The following IL1RAPL1 variants were observed in gnomAD, a reference collection of about 807,000 sequenced individuals.
IL1RAPL1 encodes interleukin 1 receptor accessory protein like 1, also known as interleukin-1 receptor accessory protein-like 1.
Under a neutral mutation model 48.4 loss-of-function variants are expected in IL1RAPL1, and 3 were observed. The ratio of observed to expected loss-of-function variants is 0.06; its 90% CI spans 0.03 to 0.16. IL1RAPL1 has a LOEUF of 0.16. Ranked by LOEUF, IL1RAPL1 falls within the 10% of genes least tolerant of loss-of-function variation. The pLI, the probability that IL1RAPL1 is intolerant of heterozygous loss-of-function variation, is 1.00. For synonymous variants in IL1RAPL1, 185 were observed against 187.7 expected (o/e 0.99, Z 0.12); for missense variants, 349 against 530.6 (o/e 0.66, Z 3.36).
chrX:29,498,468 C>A (rs865899948), intron 5 of IL1RAPL1, among the ~76,000 whole-genome samples: 1 of 110,771 alleles, frequency 9.0e-6, no homozygotes, highest in African/African-American at 3.3e-5. Flanking sequence ...TGATTTTTTT[C>A]TTTATTTGAT....
Position 29,778,414 on chromosome X carries a change from A to G in IL1RAPL1, c.778+109910A>G, listed in dbSNP as rs368367684. Among the ~76,000 whole-genome samples the G allele has an allele frequency of 3.6e-3, 404 of 111,844 alleles. 2 individuals are homozygous for G. Among genetic ancestry groups the G allele is most frequent in the African/African-American group, 0.012 (383 of 30,820 alleles). Reference sequence around the variant, plus strand: ...ATTTCTACCTGGATGAGGGGTTTATAAGGGCAACATTACTAATTTTGAGTC... The same window carrying G: ...ATTTCTACCTGGATGAGGGGTTTATGAGGGCAACATTACTAATTTTGAGTC... On this transcript the variant is annotated intron_variant, in intron 6 of 10. Coordinates refer to ENST00000378993, the MANE Select transcript of IL1RAPL1 (RefSeq NM_014271.4).
intron 6 of IL1RAPL1, among the ~76,000 whole-genome samples, chrX:29,793,689 C>T (rs1177228616): frequency 8.9e-6 from 1 of 111,901 alleles, no homozygotes; most frequent in East Asian, 2.8e-4. Flanking sequence ...TTCTAACTCT[C>T]AGGAGGCACT....
chrX:29,571,090 C>T (rs1234827107), intron 5 of IL1RAPL1, among the ~76,000 whole-genome samples: 1 of 110,675 alleles, frequency 9.0e-6, no homozygotes, highest in African/African-American at 3.3e-5. Context: ...GACGTGGTGG[C>T]GGGCGCCTAT....
At chrX:29,943,341 C>T (rs1395279860) in intron 9 of IL1RAPL1, among the ~76,000 whole-genome samples, 1 of 111,668 alleles carries the variant, frequency 9.0e-6, no homozygotes, top group Non-Finnish European at 1.9e-5. Context: ...TTCTTAGAGT[C>T]ATTCTTGCTA....
chrX:29,539,121 C>T (rs947516858), intron 5 of IL1RAPL1, among the ~76,000 whole-genome samples: 6 of 111,563 alleles, frequency 5.4e-5, no homozygotes, highest in Admixed American at 2.8e-4. Flanking sequence ...CAAAAAACTA[C>T]GGACCAATAT....
chrX:29,208,036 A>G lies in IL1RAPL1; in HGVS notation c.83-74902A>G, dbSNP rs774607631. Among the ~76,000 whole-genome samples the G allele has an allele frequency of 3.6e-5, 4 of 111,925 alleles. No homozygotes were observed. In the East Asian group the frequency reaches 8.4e-4, roughly 24 times the overall value. The stretch of plus-strand genomic sequence containing the variant: ...ACAATTACTTGCCTCTCAGTGGACT[A>G]TTAAGGTTTGCCTTTGCTTATACCT... On this transcript the variant is annotated intron_variant, in intron 2 of 10. Coordinates refer to ENST00000378993, the MANE Select transcript of IL1RAPL1 (RefSeq NM_014271.4).
chrX:28,595,205 G>T (rs1933941775), intron 1 of IL1RAPL1, among the ~76,000 whole-genome samples: 1 of 112,339 alleles, frequency 8.9e-6, no homozygotes, highest in Non-Finnish European at 1.9e-5. Context: ...TATCAAGTTT[G>T]CCAAGCTACA....
intron 2 of IL1RAPL1, among the ~76,000 whole-genome samples, chrX:29,215,687 T>C (rs902124674): frequency 8.9e-6 from 1 of 111,758 alleles, no homozygotes; most frequent in Admixed American, 9.5e-5. Context: ...CTTTAATAAT[T>C]GAGTAATTTA....
At chrX:29,515,549 C>T (rs1389268123) in intron 5 of IL1RAPL1, among the ~76,000 whole-genome samples, 2 of 112,144 alleles carry the variant, frequency 1.8e-5, no homozygotes, top group East Asian at 2.8e-4. Context: ...TGGAGATTCA[C>T]CTAGGTTGTT....
intron 2 of IL1RAPL1, among the ~76,000 whole-genome samples, chrX:28,828,238 A>G (rs1385618708): frequency 8.9e-6 from 1 of 112,085 alleles, no homozygotes; most frequent in Non-Finnish European, 1.9e-5. Flanking sequence ...ACATCAGTCT[A>G]TATGAAGTCC....
chrX:29,654,268 C>T (rs1383581769), intron 5 of IL1RAPL1, among the ~76,000 whole-genome samples: 1 of 111,301 alleles, frequency 9.0e-6, no homozygotes, highest in African/African-American at 3.3e-5. Flanking sequence ...TCTCCCAGTG[C>T]AGCCTAATCA....
At chrX:29,680,432 A>G (rs1277143904) in intron 6 of IL1RAPL1, among the ~76,000 whole-genome samples, 1 of 110,975 alleles carries the variant, frequency 9.0e-6, no homozygotes, top group African/African-American at 3.3e-5. Context: ...ACAGATCTAA[A>G]TTTTGGACGG....
intron 3 of IL1RAPL1, among the ~76,000 whole-genome samples, chrX:29,350,798 A>G (rs1933220839): frequency 9.0e-6 from 1 of 111,315 alleles, no homozygotes; most frequent in Admixed American, 9.6e-5. Context: ...TATGTATTTC[A>G]ATGTTTAATA....
chrX:29,192,194 T>C (rs1408278210), intron 2 of IL1RAPL1, among the ~76,000 whole-genome samples: 1 of 112,143 alleles, frequency 8.9e-6, no homozygotes, highest in Non-Finnish European at 1.9e-5. Context: ...CTGTTTCAAC[T>C]TCTTACCCCT....
At chrX:28,633,026 C>G (rs1934417431) in intron 1 of IL1RAPL1, among the ~76,000 whole-genome samples, 1 of 108,599 alleles carries the variant, frequency 9.2e-6, no homozygotes, top group African/African-American at 3.4e-5. Flanking sequence ...GTAGCTGGGA[C>G]TACAGGTGCC....
intron 5 of IL1RAPL1, among the ~76,000 whole-genome samples, chrX:29,419,264 A>G (rs747198276): frequency 8.9e-6 from 1 of 111,839 alleles, no homozygotes; most frequent in East Asian, 2.8e-4. Context: ...ACGTAATGAC[A>G]TATACTTCTT....
intron 2 of IL1RAPL1, among the ~76,000 whole-genome samples, chrX:28,958,293 A>G (rs1277533575): frequency 8.9e-6 from 1 of 111,930 alleles, no homozygotes; most frequent in Admixed American, 9.5e-5. Context: ...CCCTCTGGTA[A>G]CCACCATTCT....
intron 9 of IL1RAPL1, among the ~76,000 whole-genome samples, chrX:29,942,224 A>AAACTGTACTGAGTATTTTAAATTCATCC (rs1452936793): frequency 1.8e-5 from 2 of 112,248 alleles, no homozygotes; most frequent in Non-Finnish European, 3.8e-5. Flanking sequence ...CCGTTATAAT[A>AAACTGTACTGAGTATTTTAAATTCATCC]AACTGTACTG....
chrX:29,017,556 T>C (rs1926268739), intron 2 of IL1RAPL1, among the ~76,000 whole-genome samples: 1 of 111,822 alleles, frequency 8.9e-6, no homozygotes, highest in Non-Finnish European at 1.9e-5. Flanking sequence ...GGAGGCTTTG[T>C]CAGGATTTTG....
Sources: gnomAD v4.1 joint callset for allele counts (sites outside exome capture counted in the v4.1 genomes callset) on GRCh38, gnomAD v4.1.1 for gene constraint, MANE v1.5 for transcripts, NCBI Gene and HGNC (gene_info 2026-07-23, HGNC 2026-07-21) for gene names.